The following KLHDC1 variants were observed in gnomAD, a reference collection of about 807,000 sequenced individuals.
KLHDC1 encodes the protein kelch domain-containing protein 1.
In KLHDC1, 53 loss-of-function variants were observed where a neutral mutation model predicts 68.3. The ratio of observed to expected loss-of-function variants is 0.78; its 90% CI spans 0.62 to 0.98. The LOEUF (loss-of-function observed/expected upper bound fraction) is 0.98, where lower values mean the gene tolerates loss of function less well. KLHDC1 is among the 50% of genes least tolerant of loss of function. KLHDC1 has a pLI of 0.00. For missense variants in KLHDC1, 470 were observed against 492.3 expected (o/e 0.95, Z 0.43); for synonymous variants, 148 against 159.0 (o/e 0.93, Z 0.52).
At chr14:49,708,891 C>G (rs1386155502) in intron 1 of KLHDC1, 1 of 206,396 alleles carries the variant, frequency 4.8e-6, no homozygotes, top group Non-Finnish European at 9.5e-6. Flanking sequence ...TACATAAAGC[C>G]CCTTTTAAAG....
chr14:49,701,890 C>T (rs1476256283), intron 1 of KLHDC1, among the ~76,000 whole-genome samples: 2 of 151,660 alleles, frequency 1.3e-5, no homozygotes, highest in African/African-American at 2.4e-5. Flanking sequence ...AAAAATTAGC[C>T]GGGCGTGGTG....
chr14:49,736,050 T>TC (rs1386440589), intron 10 of KLHDC1, among the ~76,000 whole-genome samples: 1 of 152,136 alleles, frequency 6.6e-6, no homozygotes, highest in African/African-American at 2.4e-5. Context: ...ATCGATTTTT[T>TC]CATCGGTGAA....
At chr14:49,746,456 G>A (rs1889201662) in intron 12 of KLHDC1, among the ~76,000 whole-genome samples, 1 of 152,124 alleles carries the variant, frequency 6.6e-6, no homozygotes, top group African/African-American at 2.4e-5. Context: ...AGAAGTTGAA[G>A]GCTAGCCAGG....
rs1034647771 is a variant in KLHDC1 at position 49,716,833 on chromosome 14, C to G, written c.404+6452C>G. ...CCTACTTCCAAACTTTTTAATTACTCCAAACAGAAACTCTGTGCCCATTAA... is the reference window on the plus strand; with the variant it reads ...CCTACTTCCAAACTTTTTAATTACTGCAAACAGAAACTCTGTGCCCATTAA... On this transcript the variant is annotated intron_variant, in intron 4 of 12. Coordinates refer to ENST00000359332, the MANE Select transcript of KLHDC1 (RefSeq NM_172193.3). 1.4e-4 allele frequency among the ~76,000 whole-genome samples: 22 copies of G among 152,132 alleles called. 1 individual carries two copies. Among genetic ancestry groups the G allele is most frequent in the Admixed American group, 8.5e-4 (13 of 15,258 alleles).
chr14:49,750,166 A>G (rs887598129), intron 12 of KLHDC1, among the ~76,000 whole-genome samples: 1 of 152,238 alleles, frequency 6.6e-6, no homozygotes, highest in Non-Finnish European at 1.5e-5. Context: ...TGCCAGAGAC[A>G]AACAGCAGAT....
intron 2 of KLHDC1, 68 bp from the exon 3 acceptor site, chr14:49,709,641 G>T: frequency 1.3e-6 from 1 of 770,846 alleles, no homozygotes; most frequent in East Asian, 2.8e-5. Flanking sequence ...AAGTACTCAT[G>T]GAGTTTAAAG....
intron 12 of KLHDC1, among the ~76,000 whole-genome samples, chr14:49,747,196 C>G (rs1372901994): frequency 6.6e-6 from 1 of 152,178 alleles, no homozygotes; most frequent in Non-Finnish European, 1.5e-5. Flanking sequence ...ATTCACCCGC[C>G]TCGGCCTCCC....
intron 4 of KLHDC1, among the ~76,000 whole-genome samples, chr14:49,716,485 G>A (rs1209526815): frequency 2.6e-5 from 4 of 151,892 alleles, no homozygotes; most frequent in Admixed American, 2.0e-4. Flanking sequence ...CCTGGTTCAA[G>A]GGATTCTCCT....
chr14:49,693,726 A>G (rs1371644174), intron 1 of KLHDC1, among the ~76,000 whole-genome samples: 5 of 122,082 alleles, frequency 4.1e-5, no homozygotes, highest in Non-Finnish European at 8.9e-5. Flanking sequence ...AAGCATTTAA[A>G]TATTTATTTT....
intron 12 of KLHDC1, among the ~76,000 whole-genome samples, chr14:49,749,949 A>G (rs943230802): frequency 2.5e-4 from 38 of 152,196 alleles, no homozygotes; most frequent in Admixed American, 1.8e-3. Flanking sequence ...AATAACAGCT[A>G]CTCAGGAGGC....
chr14:49,705,568 A>C (rs1023361729), intron 1 of KLHDC1, among the ~76,000 whole-genome samples: 1 of 151,254 alleles, frequency 6.6e-6, no homozygotes, highest in Non-Finnish European at 1.5e-5. Flanking sequence ...ACAGGGTTTC[A>C]CCATATTGGC....
intron 1 of KLHDC1, among the ~76,000 whole-genome samples, chr14:49,694,618 C>T (rs565001501): frequency 5.3e-5 from 8 of 152,128 alleles, no homozygotes; most frequent in Non-Finnish European, 1.2e-4. Flanking sequence ...CTTTGGGAGG[C>T]TGAGGCGGGT....
chr14:49,712,205 A>T lies in KLHDC1; in HGVS notation c.404+1824A>T, dbSNP rs6572599. ...CGTGCTGGGATTACAGGCATGAGCC[A>T]CTGCACCCAACCAATATGTCTTCCA... On this transcript the variant is annotated intron_variant, in intron 4 of 12. Coordinates refer to ENST00000359332, the MANE Select transcript of KLHDC1 (RefSeq NM_172193.3). 1.3e-4 allele frequency among the ~76,000 whole-genome samples: 20 copies of T among 152,062 alleles called. 1 individual carries two copies. Among genetic ancestry groups the T allele is most frequent in the African/African-American group, 4.6e-4 (19 of 41,508 alleles).
At position 49,751,673 on chromosome 14, in the gene KLHDC1, C is replaced by T. The variant is rs1268787144; in HGVS notation, c.1122C>T (p.Leu374=). 2.5e-6 allele frequency: 4 copies of T among 1,605,796 alleles called. No homozygotes were observed. Among genetic ancestry groups the T allele is most frequent in the Non-Finnish European group, 3.4e-6 (4 of 1,174,806 alleles). The part of the protein sequence containing the change: ...LLPPKLLQQV[L]KKITFWAAAN... ...CTCCTAAACTTCTGCAACAAGTACT[C>T]AAAAAAATAACATTTTGGGCTGCAG... Residue 374 remains leucine (L), a synonymous_variant, in exon 13 of 13, where the codon CTC becomes CTT. Coordinates refer to ENST00000359332, the MANE Select transcript of KLHDC1 (RefSeq NM_172193.3).
chr14:49,741,877 C>G (rs1354225350), intron 11 of KLHDC1, among the ~76,000 whole-genome samples: 1 of 152,040 alleles, frequency 6.6e-6, no homozygotes, highest in Non-Finnish European at 1.5e-5. Context: ...TCTGAGCCAT[C>G]AGGGATGGGG....
chr14:49,713,939 G>T (rs1304070902), intron 4 of KLHDC1, among the ~76,000 whole-genome samples: 25 of 143,420 alleles, frequency 1.7e-4, no homozygotes, highest in African/African-American at 5.9e-4. Context: ...TGTAACCTCC[G>T]CTTCCTGGGT....
At chr14:49,727,369 A>T (rs1485295068) in intron 6 of KLHDC1, among the ~76,000 whole-genome samples, 1 of 152,154 alleles carries the variant, frequency 6.6e-6, no homozygotes, top group Non-Finnish European at 1.5e-5. Context: ...TCACATGTTC[A>T]TTGCTAGGAA....
intron 1 of KLHDC1, among the ~76,000 whole-genome samples, chr14:49,702,168 CAA>C (rs56298211): frequency 3.4e-4 from 24 of 70,918 alleles, no homozygotes; most frequent in Admixed American, 4.5e-4. Context: ...AATTCTGTCT[CAA>C]AAAAAAAAAA....
At chr14:49,698,328 C>T (rs1432705786) in intron 1 of KLHDC1, among the ~76,000 whole-genome samples, 1 of 151,830 alleles carries the variant, frequency 6.6e-6, no homozygotes, top group Non-Finnish European at 1.5e-5. Flanking sequence ...CTCAACCTCC[C>T]TAGTAGCTGG....
Sources: gnomAD v4.1 joint callset for allele counts (sites outside exome capture counted in the v4.1 genomes callset) on GRCh38, gnomAD v4.1.1 for gene constraint, MANE v1.5 for transcripts, NCBI Gene and HGNC (gene_info 2026-07-23, HGNC 2026-07-21) for gene names.